Variants in ROBO4 observed in about 807,000 individuals in gnomAD.
ROBO4 encodes roundabout homolog 4.
A neutral mutation model predicts 103.3 loss-of-function variants in ROBO4; 80 were observed. The observed-to-expected ratio is 0.77, with a 90% CI of 0.65 to 0.93. ROBO4 has a LOEUF of 0.93. ROBO4 is among the 40% of genes least tolerant of loss of function. The pLI is 0.00. For synonymous variants in ROBO4, 504 were observed against 529.7 expected (o/e 0.95, Z 0.67); for missense variants, 1,333 against 1,305.3 (o/e 1.02, Z -0.33).
In ROBO4 at chr11:124,884,743, C is replaced by T. The variant is rs1946683946; in HGVS notation, c.*148G>A. ...TTTTGTTTTCATTTGTTTTCACAAT[C>T]GTGGAGGGAGAACTCTCTGGAGGCT... On this transcript the variant is annotated 3_prime_UTR_variant, in exon 18 of 18. Transcript: ENST00000306534. 7.8e-6 allele frequency: 7 copies of T among 894,194 alleles called. No homozygotes were observed. Among genetic ancestry groups the T allele is most frequent in the South Asian group, 3.0e-5 (2 of 67,630 alleles). 55.4% of individuals were successfully genotyped at this position (894,194 alleles called of 1,614,324 possible). A position where few individuals can be genotyped will look rare whatever the true frequency, so the allele number is the denominator to read the frequency against.
At position 124,895,086 on chromosome 11, in the gene ROBO4, A is replaced by T. The variant is rs1946861759; in HGVS notation, c.1144T>A (p.Tyr382Asn). Residue 382 changes from tyrosine to asparagine, a missense_variant, in exon 7 of 18, where the codon TAC becomes AAC. Physicochemically the swap from Tyr to Asn is moderately radical, Grantham distance 143. Transcript: ENST00000306534. ...AENHNGIIRG[Y>N]QVWSLGNTSL... is the part of the protein sequence containing the mutation. ...ATGACAGCTAGTGGGGGTACCTGGT[A>T]GCCACGGATGATGCCATTGTGGTTT... The T allele has an allele frequency of 6.2e-7, 1 of 1,612,606 alleles. No homozygotes were observed. Among genetic ancestry groups the T allele is most frequent in the Non-Finnish European group, 8.5e-7 (1 of 1,178,594 alleles).
intron 12 of ROBO4, among the ~76,000 whole-genome samples, chr11:124,888,620 C>T (rs1353434483): frequency 6.6e-6 from 1 of 152,340 alleles, no homozygotes; most frequent in East Asian, 1.9e-4. Context: ...TGGATATAAA[C>T]ACACAGTGAG....
Position 124,886,999 on chromosome 11 carries a change from T to A in ROBO4, c.2413A>T (p.Ser805Cys). The A allele has an allele frequency of 6.2e-7, 1 of 1,612,286 alleles. No homozygotes were observed. Among genetic ancestry groups the A allele is most frequent in the Non-Finnish European group, 8.5e-7 (1 of 1,178,714 alleles). ...CACCTGGGAGTCTCCTCACCCTCAC[T>A]GAGTTCCAAGCACAGGGCTACCTCC... The part of the protein sequence containing the change: ...PEEVALCLEL[S>C]EGEETPRNSV... Residue 805 changes from serine to cysteine, a missense_variant, in exon 15 of 18, where the codon AGT (serine) becomes TGT (cysteine). Ser to Cys is a moderately radical substitution (Grantham distance 112). Coordinates refer to ENST00000306534, the MANE Select transcript of ROBO4 (RefSeq NM_019055.6).
At chr11:124,888,872 TCAGA>T (rs1946758577) in intron 12 of ROBO4, among the ~76,000 whole-genome samples, 1 of 152,060 alleles carries the variant, frequency 6.6e-6, no homozygotes, top group Non-Finnish European at 1.5e-5. Context: ...CTGAAGAACA[TCAGA>T]CAAAGGAGAA....
chr11:124,891,576 G>A lies in ROBO4; in HGVS notation c.1685-14C>T, dbSNP rs1198896013. On this transcript the variant is annotated splice_polypyrimidine_tract_variant and intron_variant, in intron 11 of 17. Transcript: ENST00000306534. Reference sequence around the variant, plus strand: ...CCCAGGAGAGCACTGTGACATAAATGACAGGAGGAATTATGGTGAGCATGT... The same window carrying A: ...CCCAGGAGAGCACTGTGACATAAATAACAGGAGGAATTATGGTGAGCATGT... The A allele has an allele frequency of 1.5e-5, 24 of 1,614,234 alleles. No homozygotes were observed. Among genetic ancestry groups the A allele is most frequent in the Non-Finnish European group, 2.0e-5 (24 of 1,180,040 alleles).
intron 10 of ROBO4, chr11:124,892,133 G>C (rs1007595430): frequency 1.9e-6 from 1 of 524,058 alleles, no homozygotes; most frequent in Non-Finnish European, 3.7e-6. Flanking sequence ...CTTAGCTTGG[G>C]TAAGTACATC....
intron 10 of ROBO4, 155 bp from the exon 11 acceptor site, chr11:124,891,957 G>T: frequency 1.1e-6 from 1 of 886,820 alleles, no homozygotes; most frequent in Non-Finnish European, 1.8e-6. Context: ...GACTCCTTAA[G>T]ATCTCTGACC....
At position 124,895,677 on chromosome 11, in the gene ROBO4, G is replaced by A. The variant is rs1348080598; in HGVS notation, c.816C>T (p.Gly272=). 1.2e-6 allele frequency: 2 copies of A among 1,612,506 alleles called. No homozygotes were observed. The highest frequency in any genetic ancestry group is 2.2e-5 in the South Asian group (2 of 91,044). Residue 272 remains glycine, a synonymous_variant, in exon 6 of 18, where the codon GGC becomes GGT. Transcript: ENST00000306534. The stretch of plus-strand genomic sequence containing the variant: ...TGTAAGATTGGGCAGGCGCAGCAGG[G>A]CCACTGACCTGGGAAGGAGTTTCGA... ...PAVWLSWKVS[G]PAAPAQSYTA... is the part of the protein sequence containing the mutation.
intron 12 of ROBO4, among the ~76,000 whole-genome samples, chr11:124,888,429 G>A (rs1565323030): frequency 6.6e-6 from 1 of 152,232 alleles, no homozygotes; most frequent in African/African-American, 2.4e-5. Flanking sequence ...GTCAGGTTGA[G>A]CTGAGTGGGT....
In ROBO4 at chr11:124,886,555, G is replaced by A. The variant is rs985031903; in HGVS notation, c.2703C>T (p.Leu901=). 29 of 1,614,120 alleles carry A rather than the reference G, an allele frequency of 1.8e-5. No homozygotes were observed. The East Asian group carries it at 2.7e-4, about 15-fold the overall frequency. ...SLVSSSDGSF[L]ADAHFARALA... ...GGGCCCGGGCAAAGTGAGCATCAGCGAGGAAGGAGCCATCGGAGGAGCTGA... is the reference window on the plus strand; with the variant it reads ...GGGCCCGGGCAAAGTGAGCATCAGCAAGGAAGGAGCCATCGGAGGAGCTGA... The change falls in exon 16 of 18, where the codon CTC becomes CTT. Residue 901 remains leucine (L), a synonymous_variant. Coordinates refer to ENST00000306534, the MANE Select transcript of ROBO4 (RefSeq NM_019055.6).
chr11:124,897,711 G>A lies in ROBO4; in HGVS notation c.70+15C>T, dbSNP rs1299491847. The A allele has an allele frequency of 6.2e-7, 1 of 1,613,212 alleles. No individual in the cohort carries two copies. The highest frequency in any genetic ancestry group is 8.5e-7 in the Non-Finnish European group (1 of 1,179,202). On this transcript the variant is annotated intron_variant, in intron 1 of 17. Coordinates refer to ENST00000306534, the MANE Select transcript of ROBO4 (RefSeq NM_019055.6). ...GGATGGAGGAGCATGGGCCAGGAGAGGGAGAGCAACTCACCCATGATGAGC... is the reference window on the plus strand; with the variant it reads ...GGATGGAGGAGCATGGGCCAGGAGAAGGAGAGCAACTCACCCATGATGAGC...
intron 9 of ROBO4, 63 bp from the exon 10 acceptor site, chr11:124,893,793 C>A (rs1476861437): frequency 1.2e-6 from 2 of 1,612,826 alleles, no homozygotes; most frequent in African/African-American, 1.3e-5. Flanking sequence ...AGATCCAAAG[C>A]CCCTGCACCA....
chr11:124,886,959 A>T lies in ROBO4; in HGVS notation c.2435+18T>A. The T allele has an allele frequency of 6.3e-7, 1 of 1,590,118 alleles. No individual in the cohort carries two copies. Among genetic ancestry groups the T allele is most frequent in the African/African-American group, 1.3e-5 (1 of 74,332 alleles). On this transcript the variant is annotated intron_variant, in intron 15 of 17. Transcript: ENST00000306534. The stretch of plus-strand genomic sequence containing the variant: ...ACAGCTTTTCTGTAGTTCTTTGGTT[A>T]TCTCTCAAGCTACTCACCTGGGAGT...
intron 11 of ROBO4, 36 bp from the exon 12 acceptor site, chr11:124,891,598 A>AT: frequency 6.2e-7 from 1 of 1,614,198 alleles, no homozygotes; most frequent in Non-Finnish European, 8.5e-7. Flanking sequence ...TATGGTGAGC[A>AT]TGTCCTGCTT....
intron 10 of ROBO4, 76 bp from the exon 11 acceptor site, chr11:124,891,878 T>TTCAG (rs1946805391): frequency 6.5e-7 from 1 of 1,535,344 alleles, no homozygotes. Flanking sequence ...AGACTTCCTG[T>TTCAG]TCAGAGGCAG....
chr11:124,891,900 A>C (rs1185670568), intron 10 of ROBO4, 98 bp from the exon 11 acceptor site: 4 of 1,362,238 alleles, frequency 2.9e-6, no homozygotes, highest in Non-Finnish European at 4.1e-6. Flanking sequence ...AGAAGAGGGC[A>C]AGGAGATGGT....
chr11:124,895,147 G>A lies in ROBO4; in HGVS notation c.1083C>T (p.Gly361=), dbSNP rs1345971901. ...PQEVTLKPGN[G]TVFVSWVPPP... ...GTGGGACCCAGCTCACAAAGACAGT[G>A]CCATTGCCAGGCTTTAGAGTCACTT... Residue 361 remains glycine, a synonymous_variant, in exon 7 of 18, where the codon GGC becomes GGT. Transcript: ENST00000306534. 8 of 1,614,044 alleles carry A rather than the reference G, an allele frequency of 5.0e-6. No homozygotes were observed. The highest frequency in any genetic ancestry group is 6.8e-6 in the Non-Finnish European group (8 of 1,180,022).
In ROBO4 at chr11:124,896,233, T is replaced by C. The variant is rs769226863; in HGVS notation, c.644A>G (p.His215Arg). Residue 215 changes from histidine (H) to arginine (R), a missense_variant, in exon 4 of 18, where the codon CAT (histidine) becomes CGT (arginine). Coordinates refer to ENST00000306534, the MANE Select transcript of ROBO4 (RefSeq NM_019055.6). ...YMCVATNSAG[H>R]RESRAARVSI... ...AACCCGGGCTGCGCGGCTCTCCCTATGTCCTGCGCTGTTGGTGGCCACACA... is the reference window on the plus strand; with the variant it reads ...AACCCGGGCTGCGCGGCTCTCCCTACGTCCTGCGCTGTTGGTGGCCACACA... 7.4e-6 allele frequency: 12 copies of C among 1,614,152 alleles called. No individual in the cohort carries two copies. Among genetic ancestry groups the C allele is most frequent in the Non-Finnish European group, 1.0e-5 (12 of 1,180,022 alleles).
rs150808158 is a variant in ROBO4, at chr11:124,895,668, C to T, written c.825G>A (p.Ala275=). Residue 275 remains alanine, a synonymous_variant, in exon 6 of 18, where the codon GCG becomes GCA. Coordinates refer to ENST00000306534, the MANE Select transcript of ROBO4 (RefSeq NM_019055.6). Reference sequence around the variant, plus strand: ...ACAAGGCCGTGTAAGATTGGGCAGGCGCAGCAGGGCCACTGACCTGGGAAG... The same window carrying T: ...ACAAGGCCGTGTAAGATTGGGCAGGTGCAGCAGGGCCACTGACCTGGGAAG... ...WLSWKVSGPA[A]PAQSYTALFR... 4.2e-5 allele frequency: 68 copies of T among 1,612,712 alleles called. No individual in the cohort carries two copies. The highest frequency in any genetic ancestry group is 1.3e-4 in the Admixed American group (8 of 59,984).
Sources: allele counts gnomAD v4.1 joint callset (sites outside exome capture counted in the v4.1 genomes callset), GRCh38; gene constraint gnomAD v4.1.1; transcripts MANE v1.5; gene names NCBI Gene and HGNC (gene_info 2026-07-23, HGNC 2026-07-21).